Variants in AFF3 observed in about 807,000 individuals in gnomAD.
AFF3 encodes the protein AF4/FMR2 family member 3.
Under a neutral mutation model 129.7 loss-of-function variants are expected in AFF3, and 32 were observed. That is an observed-to-expected ratio of 0.25 (90% CI 0.19 to 0.33). AFF3 has a LOEUF of 0.33. Ranked by LOEUF, AFF3 falls within the 10% of genes least tolerant of loss-of-function variation. The pLI is 1.00. For missense variants in AFF3, 1,373 were observed against 1,592.0 expected, an observed-to-expected ratio of 0.86 and a Z score of 2.34; for synonymous variants, 644 against 635.4, an observed-to-expected ratio of 1.01 and a Z score of -0.20.
At chr2:100,055,570 G>A (rs919411111) in intron 4 of AFF3, among the ~76,000 whole-genome samples, 3 of 152,144 alleles carry the variant, frequency 2.0e-5, no homozygotes, top group African/African-American at 4.8e-5. Context: ...TTGGGCATTA[G>A]TAAGAATGCT....
At chr2:99,760,746 C>T (rs1444876647) in intron 8 of AFF3, among the ~76,000 whole-genome samples, 1 of 152,146 alleles carries the variant, frequency 6.6e-6, no homozygotes, top group Non-Finnish European at 1.5e-5. Context: ...TTTAAAGCCA[C>T]TTACTCCAAA....
At chr2:99,988,105 G>A (rs1346670829) in intron 7 of AFF3, among the ~76,000 whole-genome samples, 1 of 152,138 alleles carries the variant, frequency 6.6e-6, no homozygotes, top group African/African-American at 2.4e-5. Flanking sequence ...TGGATGGGAG[G>A]AAGGAAAGAA....
intron 8 of AFF3, among the ~76,000 whole-genome samples, chr2:99,761,965 G>A (rs928407871): frequency 1.3e-5 from 2 of 151,782 alleles, no homozygotes; most frequent in African/African-American, 4.8e-5. Context: ...TTCTTGTCCT[G>A]CCCCAGGCTT....
intron 4 of AFF3, among the ~76,000 whole-genome samples, chr2:100,016,159 C>G (rs1210731172): frequency 1.2e-4 from 12 of 103,984 alleles, no homozygotes; most frequent in Non-Finnish European, 1.6e-4. Flanking sequence ...GGTAGAGGTG[C>G]TGGTGGTGGT....
chr2:99,611,462 C>G (rs1680913674), intron 13 of AFF3, among the ~76,000 whole-genome samples: 2 of 152,082 alleles, frequency 1.3e-5, no homozygotes, highest in South Asian at 4.1e-4. Flanking sequence ...GCGATGTTGG[C>G]AGGGGAAGGG....
At chr2:99,638,447 G>C (rs998674618) in intron 13 of AFF3, among the ~76,000 whole-genome samples, 1 of 151,904 alleles carries the variant, frequency 6.6e-6, no homozygotes, top group Admixed American at 6.5e-5. Flanking sequence ...GGGGGACTCC[G>C]GTGGTGGGGG....
intron 15 of AFF3, among the ~76,000 whole-genome samples, chr2:99,589,295 A>G (rs1678421366): frequency 6.6e-6 from 1 of 151,904 alleles, no homozygotes; most frequent in African/African-American, 2.4e-5. Flanking sequence ...GAAAAACAGG[A>G]GGAATAGCAG....
At chr2:99,899,548 A>G (rs1024320767) in intron 7 of AFF3, among the ~76,000 whole-genome samples, 1 of 152,266 alleles carries the variant, frequency 6.6e-6, no homozygotes, top group African/African-American at 2.4e-5. Context: ...TCAAAGTAGC[A>G]TAAACTTTGA....
At chr2:99,796,079 AC>A (rs910937338) in intron 8 of AFF3, among the ~76,000 whole-genome samples, 1 of 152,040 alleles carries the variant, frequency 6.6e-6, no homozygotes. Flanking sequence ...ACACCTAATC[AC>A]CCATTTATTC....
chr2:100,009,055 G>C, intron 4 of AFF3, 123 bp from the exon 5 acceptor site: 1 of 1,325,426 alleles, frequency 7.5e-7, no homozygotes, highest in Non-Finnish European at 1.0e-6. Flanking sequence ...ACAAGAACAT[G>C]GATGAGACAA....
intron 7 of AFF3, among the ~76,000 whole-genome samples, chr2:100,004,847 AC>A (rs1004436785): frequency 6.7e-6 from 1 of 148,988 alleles, no homozygotes; most frequent in African/African-American, 2.5e-5. Flanking sequence ...TAAACACTGC[AC>A]CCCCCTTCAC....
intron 24 of AFF3, among the ~76,000 whole-genome samples, chr2:99,552,456 T>C (rs1349179981): frequency 1.3e-5 from 2 of 152,200 alleles, no homozygotes; most frequent in Non-Finnish European, 2.9e-5. Flanking sequence ...TAGGGGATGA[T>C]AGCAGGATGA....
At chr2:99,802,424 G>A (rs924926625) in intron 8 of AFF3, among the ~76,000 whole-genome samples, 3 of 152,150 alleles carry the variant, frequency 2.0e-5, no homozygotes, top group African/African-American at 7.2e-5. Context: ...ACTTTGGGAG[G>A]CTGAGGTGGG....
intron 13 of AFF3, among the ~76,000 whole-genome samples, chr2:99,618,554 A>C (rs935838999): frequency 6.6e-6 from 1 of 152,150 alleles, no homozygotes; most frequent in Non-Finnish European, 1.5e-5. Context: ...TTCTTAACAT[A>C]GTGCCTAGCA....
intron 8 of AFF3, among the ~76,000 whole-genome samples, chr2:99,787,793 C>G (rs1684914891): frequency 6.6e-6 from 1 of 152,196 alleles, no homozygotes; most frequent in Non-Finnish European, 1.5e-5. Context: ...CTGAGAGGCT[C>G]AGCTTTGGGG....
rs149162118 is a variant in AFF3 at position 99,568,192 on chromosome 2, A to G, written c.2982+660T>C. ...TCAGTTATGAACACTGGAGGAGACTAAAACTGGAATTACTAGGTGGGAAGA... is the reference window on the plus strand; with the variant it reads ...TCAGTTATGAACACTGGAGGAGACTGAAACTGGAATTACTAGGTGGGAAGA... On this transcript the variant is annotated intron_variant, in intron 19 of 24. Coordinates refer to ENST00000672756, the MANE Select transcript of AFF3 (RefSeq NM_001386135.1). Among the ~76,000 whole-genome samples, 379 of 152,358 alleles carry G rather than the reference A, an allele frequency of 2.5e-3. 4 individuals carry two copies. The highest frequency in any genetic ancestry group is 4.3e-3 in the Non-Finnish European group (291 of 68,040).
At position 100,126,048 on chromosome 2, in the gene AFF3, A is replaced by G. The variant is rs74726743; in HGVS notation, c.-145+3176T>C. ...GGGATCTAATTACTTTGAGCAACCA[A>G]AAAAAGAGAAGAAAATGCTACCTAT... On this transcript the variant is annotated intron_variant, in intron 2 of 24. Transcript: ENST00000672756. Among the ~76,000 whole-genome samples, 33 of 152,328 alleles carry G rather than the reference A, an allele frequency of 2.2e-4. 1 individual carries two copies. The East Asian group carries it at 6.4e-3, about 29-fold the overall frequency.
chr2:99,583,393 C>A (rs1444374230), intron 16 of AFF3, among the ~76,000 whole-genome samples: 1 of 152,056 alleles, frequency 6.6e-6, no homozygotes, highest in Non-Finnish European at 1.5e-5. Context: ...ACATTTCTGT[C>A]TTTTTTTGAG....
At chr2:99,960,294 G>T (rs1471175852) in intron 7 of AFF3, among the ~76,000 whole-genome samples, 1 of 151,732 alleles carries the variant, frequency 6.6e-6, no homozygotes, top group Non-Finnish European at 1.5e-5. Context: ...GTTTAATTGT[G>T]TTTAAATAAT....
Sources: allele counts gnomAD v4.1 joint callset (sites outside exome capture counted in the v4.1 genomes callset), GRCh38; gene constraint gnomAD v4.1.1; transcripts MANE v1.5; gene names NCBI Gene and HGNC (gene_info 2026-07-23, HGNC 2026-07-21).